PCBP3: variants seen among roughly 807,000 people sequenced by gnomAD.
PCBP3 encodes the protein poly(rC)-binding protein 3.
Under a neutral mutation model 52.7 loss-of-function variants are expected in PCBP3, and 25 were observed. The observed-to-expected ratio is 0.47, with a 90% CI of 0.35 to 0.66. The LOEUF is 0.66. Ranked by LOEUF, PCBP3 falls within the 30% of genes least tolerant of loss-of-function variation. PCBP3 has a pLI of 0.01. For missense variants in PCBP3, 391 were observed against 490.3 expected, an observed-to-expected ratio of 0.80 and a Z score of 1.91; for synonymous variants, 162 against 183.0, an observed-to-expected ratio of 0.89 and a Z score of 0.93.
At chr21:45,895,178 CTGTGTTATCTT>C (rs1475040534) in intron 5 of PCBP3, among the ~76,000 whole-genome samples, 2 of 152,226 alleles carry the variant, frequency 1.3e-5, no homozygotes, top group Non-Finnish European at 2.9e-5. Flanking sequence ...GGCTTTACGT[CTGTGTTATCTT>C]TGTGTTTTTC....
intron 10 of PCBP3, among the ~76,000 whole-genome samples, chr21:45,909,735 C>CCCCCCCCCACCCA (rs2096292983): frequency 6.8e-6 from 1 of 146,336 alleles, no homozygotes; most frequent in South Asian, 2.2e-4. Context: ...CAGATACAGA[C>CCCCCCCCCACCCA]CTGGCCCACC....
intron 15 of PCBP3, among the ~76,000 whole-genome samples, chr21:45,934,156 C>G (rs1300332590): frequency 6.6e-6 from 1 of 152,048 alleles, no homozygotes; most frequent in African/African-American, 2.4e-5. Flanking sequence ...GGTACATCAG[C>G]TGGGCCTGCG....
intron 13 of PCBP3, among the ~76,000 whole-genome samples, chr21:45,925,090 CCGGGAACAGTCGCG>C (rs1253254426): frequency 1.4e-4 from 12 of 87,516 alleles, no homozygotes; most frequent in African/African-American, 5.6e-4. Context: ...GATGCGAACA[CCGGGAACAGTCGCG>C]TGGGTAGAAA....
In PCBP3 at chr21:45,785,985, A is replaced by G. The variant is rs978024744; in HGVS notation, c.-126+30533A>G. 1.7e-4 allele frequency among the ~76,000 whole-genome samples: 26 copies of G among 150,556 alleles called. 1 individual carries two copies. Among genetic ancestry groups the G allele is most frequent in the Admixed American group, 5.3e-4 (8 of 15,122 alleles). On this transcript the variant is annotated intron_variant, in intron 4 of 17. Coordinates refer to ENST00000681687, the MANE Select transcript of PCBP3 (RefSeq NM_001384156.1). ...TCCCTAATCTCAAGTACCCAGGGAC[A>G]CAAACACTGCGGAAGGCCGCAGGGT...
chr21:45,667,092 TTCTTTCTTTCTTTC>T (rs2080856257), intron 1 of PCBP3, among the ~76,000 whole-genome samples: 1 of 151,556 alleles, frequency 6.6e-6, no homozygotes, highest in South Asian at 2.1e-4. Context: ...CTTTCTTTCT[TTCTTTCTTTCTTTC>T]TTTTTCTTTC....
At chr21:45,851,696 A>G (rs1452012660) in intron 5 of PCBP3, among the ~76,000 whole-genome samples, 1 of 152,248 alleles carries the variant, frequency 6.6e-6, no homozygotes, top group East Asian at 1.9e-4. Flanking sequence ...ACTGTGGGAA[A>G]CCATATGCTA....
chr21:45,653,521 A>G (rs2079819570), intron 1 of PCBP3, among the ~76,000 whole-genome samples: 3 of 152,032 alleles, frequency 2.0e-5, no homozygotes, highest in Admixed American at 2.0e-4. Context: ...ATGATATGGT[A>G]TGTCTGATGT....
intron 5 of PCBP3, among the ~76,000 whole-genome samples, chr21:45,854,290 A>G (rs1166832107): frequency 6.6e-6 from 1 of 152,166 alleles, no homozygotes; most frequent in African/African-American, 2.4e-5. Flanking sequence ...TAAAATGTAC[A>G]TAACATAGAA....
At chr21:45,748,596 G>T (rs1381126247) in intron 3 of PCBP3, among the ~76,000 whole-genome samples, 1 of 152,238 alleles carries the variant, frequency 6.6e-6, no homozygotes, top group Non-Finnish European at 1.5e-5. Context: ...TGCCCTTGCA[G>T]CAAACCCAAG....
At chr21:45,647,703 G>A (rs897867672) in intron 1 of PCBP3, among the ~76,000 whole-genome samples, 1 of 152,160 alleles carries the variant, frequency 6.6e-6, no homozygotes, top group Non-Finnish European at 1.5e-5. Flanking sequence ...AGTGTTAGGG[G>A]CATTGTGAAA....
chr21:45,850,860 C>A (rs1240188084), intron 5 of PCBP3, among the ~76,000 whole-genome samples: 1 of 151,854 alleles, frequency 6.6e-6, no homozygotes, highest in African/African-American at 2.4e-5. Flanking sequence ...GAGCATAAGG[C>A]AATTATACTG....
At chr21:45,665,404 C>A (rs1413181819) in intron 1 of PCBP3, among the ~76,000 whole-genome samples, 2 of 151,616 alleles carry the variant, frequency 1.3e-5, no homozygotes, top group African/African-American at 4.8e-5. Flanking sequence ...TGAGATCCCA[C>A]CTTTAAAAAA....
chr21:45,685,474 G>T (rs931678251), intron 2 of PCBP3, among the ~76,000 whole-genome samples: 1 of 152,192 alleles, frequency 6.6e-6, no homozygotes, highest in Non-Finnish European at 1.5e-5. Flanking sequence ...CTTTGCCTCT[G>T]CCCATGGTGG....
chr21:45,666,476 A>C (rs2080804082), intron 1 of PCBP3, among the ~76,000 whole-genome samples: 1 of 152,034 alleles, frequency 6.6e-6, no homozygotes, highest in African/African-American at 2.4e-5. Context: ...GATTTTCTGT[A>C]CTATCTAGTG....
chr21:45,872,270 C>G (rs1052130812), intron 5 of PCBP3: 11 of 152,322 alleles, frequency 7.2e-5, no homozygotes, highest in African/African-American at 2.2e-4. Flanking sequence ...TAATCGGAGG[C>G]TCGTCTGCTT....
chr21:45,653,090 A>T (rs1248906050), intron 1 of PCBP3, among the ~76,000 whole-genome samples: 1 of 152,182 alleles, frequency 6.6e-6, no homozygotes, highest in Non-Finnish European at 1.5e-5. Flanking sequence ...TTCTTCAGCA[A>T]AATTATATTG....
At chr21:45,779,820 C>T (rs1180970208) in intron 4 of PCBP3, among the ~76,000 whole-genome samples, 1 of 152,176 alleles carries the variant, frequency 6.6e-6, no homozygotes, top group African/African-American at 2.4e-5. Flanking sequence ...ATCAAAGTCC[C>T]AGAAGGCTTT....
chr21:45,899,581 A>ATT lies in PCBP3; in HGVS notation c.166-9_166-8dup. The ATT allele has an allele frequency of 9.4e-6, 14 of 1,495,722 alleles. No homozygotes were observed. Among genetic ancestry groups the ATT allele is most frequent in the South Asian group, 1.2e-5 (1 of 83,172 alleles). The allele number at this position is 1,495,722 out of a possible 1,614,324, so 92.7% of individuals were successfully genotyped here. On this transcript the variant is annotated splice_polypyrimidine_tract_variant and intron_variant, in intron 6 of 17. Transcript: ENST00000681687. ...TGCTCTATGACATCATCTTTCTGTG[A>ATT]TTTTTTTTTTCTTGCAGGAAGTTGG...
intron 2 of PCBP3, among the ~76,000 whole-genome samples, chr21:45,717,639 C>T (rs1423984912): frequency 1.3e-5 from 2 of 151,966 alleles, no homozygotes; most frequent in East Asian, 1.9e-4. Context: ...TTGCATTGAT[C>T]GATTTTTGGA....
Sources: gnomAD v4.1 joint callset for allele counts (sites outside exome capture counted in the v4.1 genomes callset) on GRCh38, gnomAD v4.1.1 for gene constraint, MANE v1.5 for transcripts, NCBI Gene and HGNC (gene_info 2026-07-23, HGNC 2026-07-21) for gene names.